Variants in CNBP observed in about 807,000 individuals in gnomAD.
The protein encoded by CNBP is CCHC-type zinc finger nucleic acid binding protein, also known as cellular nucleic acid-binding protein.
In CNBP, 6 loss-of-function variants were observed where a neutral mutation model predicts 21.2. That is an observed-to-expected ratio of 0.28 (90% CI 0.16 to 0.56). The LOEUF (loss-of-function observed/expected upper bound fraction) is 0.56. Ranked by LOEUF, CNBP falls within the 20% of genes least tolerant of loss-of-function variation. The pLI, the probability that CNBP is intolerant of heterozygous loss-of-function variation, is 0.93. For synonymous variants in CNBP, 61 were observed against 74.9 expected (o/e 0.81, Z 0.96); for missense variants, 112 against 233.1 (o/e 0.48, Z 3.38).
chr3:129,182,165 T>C (rs993430823), intron 1 of CNBP, among the ~76,000 whole-genome samples: 2 of 152,100 alleles, frequency 1.3e-5, no homozygotes, highest in Non-Finnish European at 2.9e-5. Context: ...CGAATGGAAA[T>C]AGTAACTGGT....
intron 1 of CNBP, among the ~76,000 whole-genome samples, chr3:129,182,734 T>TA (rs1022907117): frequency 6.6e-6 from 1 of 152,182 alleles, no homozygotes; most frequent in Non-Finnish European, 1.5e-5. Flanking sequence ...CCCAGCAACT[T>TA]AAATAGTGTT....
At position 129,174,349 on chromosome 3, in the gene CNBP, TA is replaced by T. The variant is rs56752888; in HGVS notation, c.-14-2579del. On this transcript the variant is annotated intron_variant, in intron 1 of 4. Transcript: ENST00000422453. Reference sequence around the variant, plus strand: ...GTTTCCACCACAGAAGAGTCAGAATTAAAAAAAAAAAAAAAAAAAAAAAAAC... The same window carrying T: ...GTTTCCACCACAGAAGAGTCAGAATTAAAAAAAAAAAAAAAAAAAAAAAAC... Among the ~76,000 whole-genome samples the T allele has an allele frequency of 7.8e-3, 495 of 63,138 alleles. 1 individual carries two copies. Among genetic ancestry groups the T allele is most frequent in the African/African-American group, 0.033 (461 of 14,002 alleles). The allele number at this position is 63,138 out of a possible 152,430, so 41.4% of individuals were successfully genotyped here.
At chr3:129,177,976 T>C (rs1188782493) in intron 1 of CNBP, among the ~76,000 whole-genome samples, 1 of 151,912 alleles carries the variant, frequency 6.6e-6, no homozygotes, top group Non-Finnish European at 1.5e-5. Context: ...CTAGCCAACA[T>C]GGTGAAACCC....
chr3:129,179,484 C>T (rs1417014854), intron 1 of CNBP, among the ~76,000 whole-genome samples: 1 of 152,178 alleles, frequency 6.6e-6, no homozygotes, highest in African/African-American at 2.4e-5. Context: ...GTTTTAACAG[C>T]TGGATATCTA....
Position 129,171,236 on chromosome 3 carries a change from A to G in CNBP, c.259T>C (p.Cys87Arg). The G allele has an allele frequency of 6.2e-7, 1 of 1,614,264 alleles. No individual in the cohort carries two copies. The highest frequency in any genetic ancestry group is 8.5e-7 in the Non-Finnish European group (1 of 1,180,052). Residue 87 changes from cysteine to arginine, a missense_variant, in exon 4 of 5, where the codon TGC (cysteine) becomes CGC (arginine). Cys to Arg is a radical substitution (Grantham distance 180, BLOSUM62 -3). Coordinates refer to ENST00000422453, the MANE Select transcript of CNBP (RefSeq NM_003418.5). Reference protein sequence around the residue: ...CGRGGHIAKDCKEPKREREQC... With the variant: ...CGRGGHIAKDRKEPKREREQC... ...TCTCGCTCTCTCTTGGGCTCCTTGC[A>G]GTCCTTGGCAATGTGGCCACCTCTA...
chr3:129,168,234 G>GT lies in CNBP; in HGVS notation c.*2218dup, dbSNP rs1937494808. ...AACTGTACATCCTTAAGTAAATTAAGTTTAACTCATCTATTAAAAAGTGAG... is the reference window on the plus strand; with the variant it reads ...AACTGTACATCCTTAAGTAAATTAAGTTTTAACTCATCTATTAAAAAGTGAG... On this transcript the variant is annotated 3_prime_UTR_variant, in exon 5 of 5. Transcript: ENST00000422453. Among the ~76,000 whole-genome samples, 1 of 152,090 alleles carries GT rather than the reference G, an allele frequency of 6.6e-6. No individual in the cohort carries two copies. Among genetic ancestry groups the GT allele is most frequent in the African/African-American group, 2.4e-5 (1 of 41,394 alleles).
At chr3:129,181,788 A>G (rs1938320311) in intron 1 of CNBP, among the ~76,000 whole-genome samples, 1 of 152,098 alleles carries the variant, frequency 6.6e-6, no homozygotes, top group Non-Finnish European at 1.5e-5. Flanking sequence ...AGAAAAACAC[A>G]AACTGTTATT....
At position 129,175,225 on chromosome 3, in the gene CNBP, G is replaced by A. The variant is rs146012158; in HGVS notation, c.-14-3454C>T. 5.2e-3 allele frequency among the ~76,000 whole-genome samples: 784 copies of A among 152,014 alleles called. 6 individuals carry two copies. Among genetic ancestry groups the A allele is most frequent in the African/African-American group, 0.016 (670 of 41,488 alleles). On this transcript the variant is annotated intron_variant, in intron 1 of 4. Coordinates refer to ENST00000422453, the MANE Select transcript of CNBP (RefSeq NM_003418.5). The stretch of plus-strand genomic sequence containing the variant: ...TGTAGTCCTAGCTACTCGAGAGGCT[G>A]AGGCAGGAGAATCGCTTGAACCCGG...
Position 129,171,470 on chromosome 3 carries a change from T to TG in CNBP, c.192dup (p.Lys65GlnfsTer4). On this transcript the variant is annotated frameshift_variant, in exon 3 of 5. Coordinates refer to ENST00000422453, the MANE Select transcript of CNBP (RefSeq NM_003418.5). LOFTEE classifies it high-confidence loss of function. ...CCATCCTCCTGAAGATCACAATCCT[T>TG]GGCAAGATGACCAGACTCACCACAG... 1 of 1,614,076 alleles carries TG rather than the reference T, an allele frequency of 6.2e-7. No individual in the cohort carries two copies. The highest frequency in any genetic ancestry group is 8.5e-7 in the Non-Finnish European group (1 of 1,179,938).
chr3:129,181,618 C>A (rs1315669926), intron 1 of CNBP, among the ~76,000 whole-genome samples: 3 of 105,812 alleles, frequency 2.8e-5, no homozygotes, highest in Non-Finnish European at 5.2e-5. Context: ...CCACTGCACT[C>A]CAGCTTGGGC....
At chr3:129,183,023 C>G (rs576555667) in intron 1 of CNBP, among the ~76,000 whole-genome samples, 6 of 152,216 alleles carry the variant, frequency 3.9e-5, no homozygotes, top group Admixed American at 2.0e-4. Context: ...GCGATCTCGG[C>G]TCACCACAAC....
chr3:129,175,715 A>G (rs1234196646), intron 1 of CNBP, among the ~76,000 whole-genome samples: 1 of 152,234 alleles, frequency 6.6e-6, no homozygotes, highest in Admixed American at 6.5e-5. Flanking sequence ...GGCGTGAGCC[A>G]CTGCGCCCAG....
chr3:129,177,785 A>G (rs78548313), intron 1 of CNBP, among the ~76,000 whole-genome samples: 3,948 of 152,298 alleles, frequency 0.026, 155 homozygotes, highest in African/African-American at 0.086. Context: ...TGTGTATCAA[A>G]TGTTTATGAC....
intron 1 of CNBP, among the ~76,000 whole-genome samples, chr3:129,175,234 G>A (rs867775731): frequency 3.1e-4 from 47 of 151,508 alleles, no homozygotes; most frequent in Non-Finnish European, 5.0e-4. Flanking sequence ...TGAGGCAGGA[G>A]AATCGCTTGA....
intron 1 of CNBP, among the ~76,000 whole-genome samples, chr3:129,179,174 G>C (rs1938120659): frequency 6.6e-6 from 1 of 152,108 alleles, no homozygotes; most frequent in African/African-American, 2.4e-5. Context: ...ATACTCAGGA[G>C]GCTGAGGCAG....
chr3:129,181,184 G>C (rs1938260454), intron 1 of CNBP, among the ~76,000 whole-genome samples: 1 of 141,262 alleles, frequency 7.1e-6, no homozygotes, highest in African/African-American at 2.7e-5. Context: ...AGGCTGCTGT[G>C]AGCCGAGACT....
chr3:129,172,652 G>GCAGA (rs1937619690), intron 1 of CNBP, among the ~76,000 whole-genome samples: 10 of 109,354 alleles, frequency 9.1e-5, no homozygotes, highest in African/African-American at 3.1e-4. Flanking sequence ...AGGCAGGCAG[G>GCAGA]CAGGCAGACA....
chr3:129,179,348 C>A (rs1315449557), intron 1 of CNBP, among the ~76,000 whole-genome samples: 4 of 152,090 alleles, frequency 2.6e-5, no homozygotes, highest in African/African-American at 9.7e-5. Flanking sequence ...TGCATTCCAG[C>A]CAGAATAATG....
chr3:129,180,762 C>CT (rs755567747), intron 1 of CNBP, among the ~76,000 whole-genome samples: 16,787 of 139,910 alleles, frequency 0.12, 1,837 homozygotes, highest in African/African-American at 0.3. Context: ...AGGAACCAAT[C>CT]TTTTTTTTTT....
Sources: allele counts gnomAD v4.1 joint callset (sites outside exome capture counted in the v4.1 genomes callset), GRCh38; gene constraint gnomAD v4.1.1; transcripts MANE v1.5; gene names NCBI Gene and HGNC (gene_info 2026-07-23, HGNC 2026-07-21).